Variants in WIPF1 observed in about 807,000 individuals in gnomAD.
WIPF1 encodes WAS/WASL-interacting protein family member 1.
Under a neutral mutation model 35.4 loss-of-function variants are expected in WIPF1, and 13 were observed. The observed-to-expected ratio is 0.37, with a 90% CI of 0.24 to 0.58. WIPF1 has a LOEUF of 0.58. WIPF1 is among the 20% of genes least tolerant of loss of function. WIPF1 has a pLI of 0.74. For synonymous variants in WIPF1, 267 were observed against 266.3 expected (o/e 1.00, Z -0.02); for missense variants, 591 against 667.0 (o/e 0.89, Z 1.25).
In WIPF1 at chr2:174,594,493, C is replaced by T. The variant is rs182273714; in HGVS notation, c.-39+3108G>A. Among the ~76,000 whole-genome samples the T allele has an allele frequency of 6.8e-3, 1,036 of 152,210 alleles. 11 individuals carry two copies. The highest frequency in any genetic ancestry group is 0.01 in the Non-Finnish European group (693 of 68,008). On this transcript the variant is annotated intron_variant, in intron 1 of 7. Transcript: ENST00000679041. ...AAGGTGAGCTGAATGACACGCCTAC[C>T]TGTCATTATTTAACTGAAGGAAAGG...
intron 1 of WIPF1, among the ~76,000 whole-genome samples, chr2:174,647,571 A>G (rs1409292294): frequency 6.6e-6 from 1 of 150,852 alleles, no homozygotes; most frequent in Non-Finnish European, 1.5e-5. Context: ...ATGAGGTTTC[A>G]CCATGTTGGT....
chr2:174,624,577 G>A (rs1686772244), intron 1 of WIPF1, among the ~76,000 whole-genome samples: 1 of 152,170 alleles, frequency 6.6e-6, no homozygotes, highest in Admixed American at 6.5e-5. Flanking sequence ...CATCTCACTT[G>A]GGTGGAAATT....
intron 2 of WIPF1, among the ~76,000 whole-genome samples, chr2:174,583,813 C>CT (rs967882283): frequency 1.3e-5 from 2 of 151,382 alleles, no homozygotes; most frequent in African/African-American, 2.4e-5. Flanking sequence ...GAAGGACCAA[C>CT]TTTTTTTTTG....
At chr2:174,626,170 A>G (rs188412032) in intron 1 of WIPF1, among the ~76,000 whole-genome samples, 69 of 152,348 alleles carry the variant, frequency 4.5e-4, no homozygotes, top group African/African-American at 1.7e-3. Context: ...ATTTTGTTTA[A>G]AAAAACTTCT....
At chr2:174,585,915 C>T (rs937198111) in intron 1 of WIPF1, among the ~76,000 whole-genome samples, 14 of 152,190 alleles carry the variant, frequency 9.2e-5, no homozygotes, top group Non-Finnish European at 1.9e-4. Flanking sequence ...GAAGGTCTCA[C>T]ACAACTGCTA....
rs1685565012 is a variant in WIPF1, at chr2:174,590,307, TG to T, written c.-38-4697del. On this transcript the variant is annotated intron_variant, in intron 1 of 7. Coordinates refer to ENST00000679041, the MANE Select transcript of WIPF1 (RefSeq NM_001375834.1). This position sits in a 1 kb window ranked among gnomAD's most constrained non-coding sequence, Gnocchi z 4.6. Reference sequence around the variant, plus strand: ...TGTGTGCAAGGCTTTCAGCATGGCCTGGGGGAGCAAAGCTGTCAGTGGACAG... The same window carrying T: ...TGTGTGCAAGGCTTTCAGCATGGCCTGGGGAGCAAAGCTGTCAGTGGACAG... Among the ~76,000 whole-genome samples the T allele has an allele frequency of 6.6e-6, 1 of 152,146 alleles. No homozygotes were observed. The highest frequency in any genetic ancestry group is 2.4e-5 in the African/African-American group (1 of 41,442).
Position 174,571,656 on chromosome 2 carries a change from C to G in WIPF1, c.1129+20G>C. On this transcript the variant is annotated intron_variant, in intron 5 of 7. Coordinates refer to ENST00000679041, the MANE Select transcript of WIPF1 (RefSeq NM_001375834.1). This position sits in a 1 kb window ranked among gnomAD's most constrained non-coding sequence, Gnocchi z 4.6. ...GGCAGGCTGGGTTTTGGAAGCAACT[C>G]ACTCCACGTCTTGTCATACCTGATC... 6.2e-7 allele frequency: 1 copy of G among 1,614,186 alleles called. No homozygotes were observed. Among genetic ancestry groups the G allele is most frequent in the Non-Finnish European group, 8.5e-7 (1 of 1,180,038 alleles).
At chr2:174,629,205 G>A (rs182200606) in intron 1 of WIPF1, among the ~76,000 whole-genome samples, 22 of 152,172 alleles carry the variant, frequency 1.4e-4, no homozygotes, top group African/African-American at 4.3e-4. Flanking sequence ...GATGGAGTTC[G>A]GCAACATAGT....
chr2:174,664,276 C>A (rs916461293), intron 1 of WIPF1, among the ~76,000 whole-genome samples: 1 of 152,134 alleles, frequency 6.6e-6, no homozygotes, highest in East Asian at 1.9e-4. Flanking sequence ...AGAAAGCCAG[C>A]GCAGGGAGTG....
chr2:174,607,104 T>C (rs1686189855), intron 1 of WIPF1, among the ~76,000 whole-genome samples: 2 of 152,150 alleles, frequency 1.3e-5, no homozygotes, highest in South Asian at 2.1e-4. Context: ...CATTAATTCA[T>C]TTATAAGGGC....
intron 1 of WIPF1, among the ~76,000 whole-genome samples, chr2:174,617,659 A>G (rs975301895): frequency 2.0e-5 from 3 of 152,210 alleles, no homozygotes; most frequent in Admixed American, 6.5e-5. Context: ...GCAGCATCAG[A>G]GCAAGAAGGA....
Position 174,581,515 on chromosome 2 carries a change from T to G in WIPF1, c.52-76A>C, listed in dbSNP as rs765546821. 2.0e-5 allele frequency: 32 copies of G among 1,567,680 alleles called. No individual in the cohort carries two copies. The African/African-American group carries it at 2.0e-4, about 10-fold the overall frequency. On this transcript the variant is annotated intron_variant, in intron 2 of 7. Transcript: ENST00000679041. ...CATTGTAACACTCGGCTGGGAAAGGTTGGGTACGGGAAGCTTGTTGTTAAG... is the reference window on the plus strand; with the variant it reads ...CATTGTAACACTCGGCTGGGAAAGGGTGGGTACGGGAAGCTTGTTGTTAAG...
intron 1 of WIPF1, among the ~76,000 whole-genome samples, chr2:174,672,645 C>A (rs1485871692): frequency 2.0e-5 from 3 of 152,200 alleles, no homozygotes; most frequent in Non-Finnish European, 4.4e-5. Context: ...TGACAAGTTA[C>A]AACGTTGATT....
intron 1 of WIPF1, among the ~76,000 whole-genome samples, chr2:174,680,902 G>A (rs1688232262): frequency 6.6e-6 from 1 of 152,108 alleles, no homozygotes; most frequent in African/African-American, 2.4e-5. Flanking sequence ...GTAGAGCAAA[G>A]ATTATCAAGC....
upstream of WIPF1, among the ~76,000 whole-genome samples, chr2:174,601,164 T>A (rs1242864156): frequency 6.6e-6 from 1 of 152,122 alleles, no homozygotes; most frequent in Non-Finnish European, 1.5e-5. Flanking sequence ...TGGCCTCAAG[T>A]GATCTGTCCA....
At chr2:174,663,624 C>T (rs1292457687) in intron 1 of WIPF1, among the ~76,000 whole-genome samples, 2 of 152,196 alleles carry the variant, frequency 1.3e-5, no homozygotes, top group Non-Finnish European at 2.9e-5. Context: ...ACGCCCCTGC[C>T]ATAGCATGGG....
intron 3 of WIPF1, 71 bp from the exon 4 acceptor site, chr2:174,575,451 C>A (rs2105816215): frequency 1.3e-6 from 2 of 1,482,088 alleles, no homozygotes; most frequent in East Asian, 2.4e-5. Flanking sequence ...AACAACAGTA[C>A]AACAGGGAGC....
chr2:174,567,055 G>A lies in WIPF1; in HGVS notation c.1456+15C>T. ...TCAAGCGTGAATCTTCAAAAACCTTGGCAGAAATACTCACTCCGGCTTTCG... is the reference window on the plus strand; with the variant it reads ...TCAAGCGTGAATCTTCAAAAACCTTAGCAGAAATACTCACTCCGGCTTTCG... On this transcript the variant is annotated intron_variant, in intron 7 of 7. Coordinates refer to ENST00000679041, the MANE Select transcript of WIPF1 (RefSeq NM_001375834.1). 2 of 1,612,354 alleles carry A rather than the reference G, an allele frequency of 1.2e-6. No individual in the cohort carries two copies. The highest frequency in any genetic ancestry group is 1.1e-5 in the South Asian group (1 of 91,028).
intron 1 of WIPF1, among the ~76,000 whole-genome samples, chr2:174,641,702 C>T (rs1416712133): frequency 1.3e-5 from 2 of 152,196 alleles, no homozygotes. Context: ...TACCAAAATA[C>T]TGATAGTGCC....
Sources: gnomAD v4.1 joint callset for allele counts (sites outside exome capture counted in the v4.1 genomes callset) on GRCh38, gnomAD v4.1.1 for gene constraint, Gnocchi (gnomAD v3.1) non-coding constraint, MANE v1.5 for transcripts, NCBI Gene and HGNC (gene_info 2026-07-23, HGNC 2026-07-21) for gene names.